Variants in ERGIC1 observed in about 807,000 individuals in gnomAD.
The protein encoded by ERGIC1 is endoplasmic reticulum-Golgi intermediate compartment protein 1.
A neutral mutation model predicts 38.3 loss-of-function variants in ERGIC1; 19 were observed. The observed-to-expected ratio is 0.50, with a 90% CI of 0.35 to 0.73. ERGIC1 has a LOEUF of 0.73. Among genes scored for constraint, ERGIC1 ranks in the 30% least tolerant of loss-of-function variants. The probability of loss-of-function intolerance (pLI) is 0.01; values close to 1 mark genes in which losing one functional copy is unlikely to be tolerated. For synonymous variants in ERGIC1, 124 were observed against 157.6 expected (o/e 0.79, Z 1.60); for missense variants, 294 against 389.2 (o/e 0.76, Z 2.06).
At chr5:172,857,005 A>G (rs1425811182) in intron 1 of ERGIC1, among the ~76,000 whole-genome samples, 2 of 152,178 alleles carry the variant, frequency 1.3e-5, no homozygotes, top group Non-Finnish European at 2.9e-5. Context: ...ACCCCACAAC[A>G]AGAAATTCAC....
intron 1 of ERGIC1, among the ~76,000 whole-genome samples, chr5:172,879,584 A>C (rs1205698499): frequency 1.3e-5 from 2 of 152,116 alleles, no homozygotes. Flanking sequence ...TTTTTTTTCC[A>C]AGTGAGCGCT....
rs1173370848 is a variant in ERGIC1, at chr5:172,836,349, C to T, written c.20+1916C>T. Among the ~76,000 whole-genome samples, 2 of 152,208 alleles carry T rather than the reference C, an allele frequency of 1.3e-5. 1 individual carries two copies. The highest frequency in any genetic ancestry group is 2.9e-5 in the Non-Finnish European group (2 of 68,038). On this transcript the variant is annotated intron_variant, in intron 1 of 9. Coordinates refer to ENST00000393784, the MANE Select transcript of ERGIC1 (RefSeq NM_001031711.3). ...ATTGATATTTAAAGAGAGAAATGCT[C>T]AGCTCTGAGAAGCTGGCTAGTCTGG...
At chr5:172,854,747 CTTG>C (rs1320700246) in intron 1 of ERGIC1, among the ~76,000 whole-genome samples, 1 of 152,260 alleles carries the variant, frequency 6.6e-6, no homozygotes, top group Non-Finnish European at 1.5e-5. Context: ...AGTGATCTTA[CTTG>C]TTTTGACAAA....
intron 9 of ERGIC1, among the ~76,000 whole-genome samples, chr5:172,944,373 T>C (rs1581591290): frequency 6.6e-6 from 1 of 151,896 alleles, no homozygotes; most frequent in East Asian, 1.9e-4. Flanking sequence ...TTTTTTTTTT[T>C]CTGAGACGGA....
At chr5:172,950,682 T>A in intron 9 of ERGIC1, 27 bp from the exon 10 acceptor site, 1 of 1,599,656 alleles carries the variant, frequency 6.3e-7, no homozygotes, top group Non-Finnish European at 8.6e-7. Context: ...CTTCTGACAC[T>A]CCCACCCCAC....
intron 7 of ERGIC1, 60 bp from the exon 8 acceptor site, chr5:172,932,376 T>C (rs1267799006): frequency 3.9e-6 from 6 of 1,555,726 alleles, no homozygotes; most frequent in South Asian, 3.4e-5. Context: ...TGAAATGACA[T>C]AGAGCTGTCA....
chr5:172,870,660 C>T (rs1561710454), intron 1 of ERGIC1, among the ~76,000 whole-genome samples: 1 of 152,224 alleles, frequency 6.6e-6, no homozygotes, highest in African/African-American at 2.4e-5. Context: ...CTCAGTTATG[C>T]CATGAACTGT....
chr5:172,874,733 C>A (rs1762100809), intron 1 of ERGIC1, among the ~76,000 whole-genome samples: 1 of 151,728 alleles, frequency 6.6e-6, no homozygotes, highest in Admixed American at 6.6e-5. Flanking sequence ...TTGAGACAGC[C>A]AGGGCAACAT....
At chr5:172,917,620 A>G (rs1763403691) in intron 5 of ERGIC1, 1 of 152,190 alleles carries the variant, frequency 6.6e-6, no homozygotes, top group Admixed American at 6.5e-5. Flanking sequence ...CCTGGGGTCC[A>G]CAGACACCCC....
intron 5 of ERGIC1, chr5:172,916,024 G>C (rs1763356810): frequency 5.3e-6 from 1 of 189,494 alleles, no homozygotes; most frequent in Non-Finnish European, 1.1e-5. Flanking sequence ...CTGGGTCCGT[G>C]TTCCCGCTAT....
chr5:172,890,747 G>A (rs893358066), intron 2 of ERGIC1, among the ~76,000 whole-genome samples: 1 of 152,236 alleles, frequency 6.6e-6, no homozygotes, highest in Non-Finnish European at 1.5e-5. Flanking sequence ...CCCCCCTAGT[G>A]CCTGGTGTGG....
chr5:172,920,605 G>A (rs919427745), intron 5 of ERGIC1: 3 of 605,424 alleles, frequency 5.0e-6, no homozygotes, highest in Non-Finnish European at 9.0e-6. Flanking sequence ...CCCAGCATGT[G>A]CTGGCATGAG....
At position 172,834,301 on chromosome 5, in the gene ERGIC1, G is replaced by T. The variant is rs976486572; in HGVS notation, c.-113G>T. The T allele has an allele frequency of 7.7e-6, 8 of 1,041,216 alleles. No individual in the cohort carries two copies. The highest frequency in any genetic ancestry group is 8.3e-6 in the Non-Finnish European group (7 of 841,170). The allele number at this position is 1,041,216 out of a possible 1,614,324, so 64.5% of individuals were successfully genotyped here. A position where few individuals can be genotyped will look rare whatever the true frequency, so the allele number is the denominator to read the frequency against. ...GCGAGTGGCGAGTGGCGAGTGTCAG[G>T]GGGGCGGCCGGCGGGGGCGGGGCGG... is the stretch of plus-strand genomic sequence containing the variant. On this transcript the variant is annotated 5_prime_UTR_variant, in exon 1 of 10. Coordinates refer to ENST00000393784, the MANE Select transcript of ERGIC1 (RefSeq NM_001031711.3). This position sits in a 1 kb window ranked among gnomAD's most constrained non-coding sequence, Gnocchi z 4.1.
rs1763655417 is a variant in ERGIC1 at position 172,926,548 on chromosome 5, GCAGA to G, written c.526_529del (p.Arg176SerfsTer13). ...CGGAGCTTTCAATGCTCTCGGGGGA[GCAGA>G]CAGACTCACCTCCAACCGTATGTAT... On this transcript the variant is annotated frameshift_variant, in exon 7 of 10. Transcript: ENST00000393784. LOFTEE classifies it high-confidence loss of function. The surrounding 1 kb of genome is among the most constrained non-coding windows in gnomAD (Gnocchi z 5.2). The G allele has an allele frequency of 6.2e-7, 1 of 1,612,944 alleles. No homozygotes were observed. Among genetic ancestry groups the G allele is most frequent in the Non-Finnish European group, 8.5e-7 (1 of 1,180,002 alleles).
intron 9 of ERGIC1, among the ~76,000 whole-genome samples, chr5:172,945,964 A>G (rs1764112568): frequency 6.6e-6 from 1 of 152,222 alleles, no homozygotes; most frequent in Admixed American, 6.5e-5. Context: ...GGTTGCAGGC[A>G]TGAGCCACTG....
intron 3 of ERGIC1, 29 bp downstream of exon 3, chr5:172,897,103 C>A (rs1208820382): frequency 6.2e-7 from 1 of 1,606,020 alleles, no homozygotes; most frequent in Admixed American, 1.7e-5. Flanking sequence ...ATGGGGCATT[C>A]CAGGATGTTC....
chr5:172,940,547 GTTTAT>G (rs906171027), intron 9 of ERGIC1, among the ~76,000 whole-genome samples: 3 of 152,080 alleles, frequency 2.0e-5, no homozygotes, highest in Admixed American at 6.6e-5. Flanking sequence ...TCCTTGCATG[GTTTAT>G]TTTATTTTGG....
chr5:172,880,529 G>A (rs1055770083), intron 1 of ERGIC1, among the ~76,000 whole-genome samples: 2 of 152,012 alleles, frequency 1.3e-5, no homozygotes, highest in African/African-American at 2.4e-5. Flanking sequence ...GTTTCACCAT[G>A]TTGCCAGGCT....
intron 1 of ERGIC1, among the ~76,000 whole-genome samples, chr5:172,868,358 A>G (rs2113145272): frequency 6.6e-6 from 1 of 152,324 alleles, no homozygotes; most frequent in Non-Finnish European, 1.5e-5. Context: ...AGACAGTGGG[A>G]TATTGTTCAG....
Sources: allele counts gnomAD v4.1 joint callset (sites outside exome capture counted in the v4.1 genomes callset), GRCh38; gene constraint gnomAD v4.1.1; non-coding constraint Gnocchi (gnomAD v3.1); transcripts MANE v1.5; gene names NCBI Gene and HGNC (gene_info 2026-07-23, HGNC 2026-07-21).